Variants in SLC25A12 observed in about 807,000 individuals in gnomAD.
SLC25A12 encodes the protein solute carrier family 25 member 12, also known as electrogenic aspartate/glutamate antiporter SLC25A12, mitochondrial.
In SLC25A12, 32 loss-of-function variants were observed where a neutral mutation model predicts 83.3. The ratio of observed to expected loss-of-function variants is 0.38; its 90% confidence interval spans 0.29 to 0.52. SLC25A12 has a LOEUF of 0.52. SLC25A12 is among the 20% of genes least tolerant of loss of function. The pLI, the probability that SLC25A12 is intolerant of heterozygous loss-of-function variation, is 0.84. For missense variants in SLC25A12, 611 were observed against 835.6 expected, an observed-to-expected ratio of 0.73 and a Z score of 3.31; for synonymous variants, 267 against 291.1, an observed-to-expected ratio of 0.92 and a Z score of 0.84.
chr2:171,809,804 T>C, intron 12 of SLC25A12, 118 bp from the exon 13 acceptor site: 1 of 773,872 alleles, frequency 1.3e-6, no homozygotes, highest in Non-Finnish European at 2.3e-6. Flanking sequence ...AATTATCAAA[T>C]GCTTACATGT....
intron 2 of SLC25A12, among the ~76,000 whole-genome samples, chr2:171,873,604 T>C (rs1005287515): frequency 6.6e-6 from 1 of 152,162 alleles, no homozygotes; most frequent in Admixed American, 6.5e-5. Context: ...ATTCAGAAGG[T>C]ACCAAAGAAT....
intron 9 of SLC25A12, among the ~76,000 whole-genome samples, chr2:171,823,887 C>T (rs1268324542): frequency 6.6e-6 from 1 of 151,192 alleles, no homozygotes; most frequent in Admixed American, 6.6e-5. Context: ...CCGGGGAGGT[C>T]AGGACTGCAG....
At position 171,834,838 on chromosome 2, in the gene SLC25A12, C is replaced by T. The variant is rs773502838; in HGVS notation, c.640G>A (p.Val214Ile). 2 of 1,613,864 alleles carry T rather than the reference C, an allele frequency of 1.2e-6. No individual in the cohort carries two copies. Among genetic ancestry groups the T allele is most frequent in the Admixed American group, 3.3e-5 (2 of 59,974 alleles). ...AATGCATTGAAGTAGGAGAAGCTAA[C>T]CTGGTGTGAGATACTTCCTCCAGCT... ...SAAGGSISHQ[V>I]SFSYFNAFNS... is the part of the protein sequence containing the mutation. The change falls in exon 7 of 18, where the codon GTT (valine) becomes ATT (isoleucine). Residue 214 changes from valine (V) to isoleucine (I), a missense_variant. By Grantham distance (29) the Val-to-Ile change is conservative (BLOSUM62 3). Coordinates refer to ENST00000422440, the MANE Select transcript of SLC25A12 (RefSeq NM_003705.5).
chr2:171,855,502 A>C (rs930561954), intron 4 of SLC25A12, among the ~76,000 whole-genome samples: 5 of 152,016 alleles, frequency 3.3e-5, no homozygotes, highest in African/African-American at 1.2e-4. Context: ...AAAGAATGAG[A>C]AAATTGTTTC....
chr2:171,875,608 C>T (rs1357289948), intron 2 of SLC25A12, among the ~76,000 whole-genome samples: 1 of 152,030 alleles, frequency 6.6e-6, no homozygotes, highest in African/African-American at 2.4e-5. Flanking sequence ...CACAACATAC[C>T]TTTGTAAGAA....
At chr2:171,853,616 G>C (rs898778418) in intron 4 of SLC25A12, among the ~76,000 whole-genome samples, 77 of 152,254 alleles carry the variant, frequency 5.1e-4, no homozygotes, top group African/African-American at 1.9e-3. Context: ...AGGAGGCAGA[G>C]GTTGCAGTGA....
Position 171,822,384 on chromosome 2 carries a change from C to CTATT in SLC25A12, c.930+4410_930+4413dup, listed in dbSNP as rs550238919. On this transcript the variant is annotated intron_variant, in intron 9 of 17. Transcript: ENST00000422440. ...CCTATAAAGATGCATACTGCTATCC[C>CTATT]TATTTATTTATTTATTTGAGACAGG... 9.2e-5 allele frequency among the ~76,000 whole-genome samples: 14 copies of CTATT among 152,074 alleles called. No individual in the cohort carries two copies. The East Asian group carries it at 1.2e-3, about 13-fold the overall frequency.
chr2:171,861,403 TTTTA>T (rs140986551), intron 3 of SLC25A12, among the ~76,000 whole-genome samples: 32,260 of 151,598 alleles, frequency 0.21, 4,079 homozygotes, highest in East Asian at 0.56. Context: ...TGTTCCAGAA[TTTTA>T]TTTATTTATT....
chr2:171,868,082 G>A (rs1344349864), intron 3 of SLC25A12, among the ~76,000 whole-genome samples: 2 of 151,952 alleles, frequency 1.3e-5, no homozygotes, highest in Non-Finnish European at 2.9e-5. Context: ...TCCTGACCTC[G>A]TGATCCACCC....
intron 13 of SLC25A12, among the ~76,000 whole-genome samples, chr2:171,796,966 A>G (rs1457455666): frequency 6.6e-6 from 1 of 152,244 alleles, no homozygotes; most frequent in Non-Finnish European, 1.5e-5. Context: ...TAATAAATCA[A>G]GCAACTCAGA....
At chr2:171,846,949 A>G (rs1684809804) in intron 4 of SLC25A12, among the ~76,000 whole-genome samples, 1 of 152,264 alleles carries the variant, frequency 6.6e-6, no homozygotes, top group Non-Finnish European at 1.5e-5. Flanking sequence ...ATAAGATCTT[A>G]GAATGTCTCT....
At chr2:171,861,799 G>A (rs1244566793) in intron 3 of SLC25A12, among the ~76,000 whole-genome samples, 3 of 152,080 alleles carry the variant, frequency 2.0e-5, no homozygotes, top group Non-Finnish European at 4.4e-5. Flanking sequence ...TAGAATATAT[G>A]CAAACCACAA....
At chr2:171,856,515 T>G (rs1685048874) in intron 3 of SLC25A12, 1 of 153,128 alleles carries the variant, frequency 6.5e-6, no homozygotes, top group Non-Finnish European at 1.5e-5. Flanking sequence ...TACCACCACA[T>G]AAATGCAGAC....
intron 13 of SLC25A12, among the ~76,000 whole-genome samples, chr2:171,801,738 G>T (rs1025030364): frequency 1.3e-5 from 2 of 151,994 alleles, no homozygotes; most frequent in Non-Finnish European, 2.9e-5. Context: ...TTATGATTTT[G>T]CCCAATTATA....
intron 4 of SLC25A12, among the ~76,000 whole-genome samples, chr2:171,850,870 G>T (rs1684913412): frequency 6.6e-6 from 1 of 152,188 alleles, no homozygotes; most frequent in African/African-American, 2.4e-5. Flanking sequence ...AATAACAGTG[G>T]TTGTGCCTAA....
chr2:171,880,196 T>C (rs148082722), intron 2 of SLC25A12, among the ~76,000 whole-genome samples: 22 of 152,362 alleles, frequency 1.4e-4, no homozygotes, highest in African/African-American at 5.3e-4. Context: ...TGGTGATTCA[T>C]TATACCATTT....
chr2:171,785,276 A>T lies in SLC25A12; in HGVS notation c.2035T>A (p.Ter679ArgextTer1). The T allele has an allele frequency of 6.2e-7, 1 of 1,614,084 alleles. No individual in the cohort carries two copies. The highest frequency in any genetic ancestry group is 8.5e-7 in the Non-Finnish European group (1 of 1,180,010). Residue 679 changes from the stop codon to arginine (R), a stop_lost, in exon 18 of 18, where the codon TGA (stop) becomes AGA (arginine). Transcript: ENST00000422440. ...TGCCACACTCAACAGTTGTCTCATC[A>T]CTGAGTGGCTGCCACTGCTGCCTTT... The part of the protein sequence containing the change: ...QPKAAVAATQ[*>R]
chr2:171,832,338 T>A (rs1684458519), intron 8 of SLC25A12, among the ~76,000 whole-genome samples: 1 of 152,166 alleles, frequency 6.6e-6, no homozygotes, highest in Non-Finnish European at 1.5e-5. Flanking sequence ...CTTCCCAAGG[T>A]CCTTTCCAGC....
chr2:171,819,384 AAT>A (rs367880400), intron 9 of SLC25A12, among the ~76,000 whole-genome samples: 769 of 36,806 alleles, frequency 0.021, 13 homozygotes, highest in African/African-American at 0.038. Flanking sequence ...TATTATATAT[AAT>A]ATATATTATA....
Sources: gnomAD v4.1 joint callset for allele counts (sites outside exome capture counted in the v4.1 genomes callset) on GRCh38, gnomAD v4.1.1 for gene constraint, MANE v1.5 for transcripts, NCBI Gene and HGNC (gene_info 2026-07-23, HGNC 2026-07-21) for gene names.